NCKAP5: variants seen among roughly 807,000 people sequenced by gnomAD.
NCKAP5 encodes the protein NCK associated protein 5.
Under a neutral mutation model 167.0 loss-of-function variants are expected in NCKAP5, and 92 were observed. The ratio of observed to expected loss-of-function variants is 0.55; its 90% CI spans 0.47 to 0.66. The LOEUF is 0.66. Among genes scored for constraint, NCKAP5 ranks in the 30% least tolerant of loss-of-function variants. The pLI, the probability that NCKAP5 is intolerant of heterozygous loss-of-function variation, is 0.00. For missense variants in NCKAP5, 2,378 were observed against 2,315.0 expected (o/e 1.03, Z -0.56); for synonymous variants, 891 against 877.4 (o/e 1.02, Z -0.27).
chr2:132,695,503 G>A (rs1483029718), intron 19 of NCKAP5, among the ~76,000 whole-genome samples: 1 of 152,092 alleles, frequency 6.6e-6, no homozygotes, highest in Non-Finnish European at 1.5e-5. Context: ...CCTGGCCATG[G>A]CTGTCCCCTT....
At chr2:133,358,279 A>G (rs780493809) in intron 3 of NCKAP5, among the ~76,000 whole-genome samples, 9 of 152,164 alleles carry the variant, frequency 5.9e-5, no homozygotes, top group African/African-American at 1.7e-4. Flanking sequence ...AATAAAATCA[A>G]TAAGTGTTGA....
At chr2:132,872,678 G>A (rs916294762) in intron 9 of NCKAP5, among the ~76,000 whole-genome samples, 2 of 152,132 alleles carry the variant, frequency 1.3e-5, no homozygotes, top group African/African-American at 2.4e-5. Context: ...ATCTTCATGA[G>A]CTATTTCACC....
chr2:132,910,184 C>T (rs1023915865), intron 8 of NCKAP5, among the ~76,000 whole-genome samples: 4 of 151,950 alleles, frequency 2.6e-5, no homozygotes, highest in African/African-American at 9.7e-5. Context: ...TACAGGCATG[C>T]AATGTGTAAT....
At chr2:132,673,384 C>A in intron 19 of NCKAP5, 79 bp from the exon 20 acceptor site, 1 of 1,207,370 alleles carries the variant, frequency 8.3e-7, no homozygotes, top group South Asian at 1.5e-5. Context: ...CAATTATTGT[C>A]TGTATAAAGT....
At chr2:132,930,512 T>G (rs1696288345) in intron 8 of NCKAP5, 1 of 152,230 alleles carries the variant, frequency 6.6e-6, no homozygotes, top group African/African-American at 2.4e-5. Flanking sequence ...CTTTTTCAGC[T>G]GAGACATCCA....
At chr2:132,773,943 G>T in intron 15 of NCKAP5, 49 bp from the exon 16 acceptor site, 1 of 1,516,200 alleles carries the variant, frequency 6.6e-7, no homozygotes, top group Non-Finnish European at 9.1e-7. Context: ...TTATTAAAAA[G>T]ATCCTTTTGC....
chr2:133,317,383 C>T (rs1332268052), intron 3 of NCKAP5, among the ~76,000 whole-genome samples: 8 of 152,084 alleles, frequency 5.3e-5, no homozygotes. Flanking sequence ...TGGCCACCCC[C>T]CTCCTTCCAG....
chr2:133,549,247 C>T (rs1349128433), intron 2 of NCKAP5, among the ~76,000 whole-genome samples: 1 of 152,074 alleles, frequency 6.6e-6, no homozygotes, highest in Non-Finnish European at 1.5e-5. Context: ...GAGTGACCTA[C>T]AAAGAGACTT....
intron 3 of NCKAP5, among the ~76,000 whole-genome samples, chr2:133,496,547 T>C (rs1305670662): frequency 6.6e-6 from 1 of 152,238 alleles, no homozygotes; most frequent in African/African-American, 2.4e-5. Context: ...TGGAGCTTTG[T>C]GGCAACTTCA....
At chr2:133,244,762 T>G (rs1355505290) in intron 4 of NCKAP5, among the ~76,000 whole-genome samples, 1 of 152,120 alleles carries the variant, frequency 6.6e-6, no homozygotes, top group Non-Finnish European at 1.5e-5. Context: ...GACACCCATA[T>G]GAAGGAAAGT....
intron 4 of NCKAP5, among the ~76,000 whole-genome samples, chr2:133,270,885 G>C (rs920563851): frequency 1.3e-5 from 2 of 150,898 alleles, no homozygotes; most frequent in Non-Finnish European, 3.0e-5. Flanking sequence ...ACCCTGCGGA[G>C]TGTACTTTTG....
chr2:133,465,165 C>A (rs7608445), intron 3 of NCKAP5, among the ~76,000 whole-genome samples: 1 of 112,244 alleles, frequency 8.9e-6, no homozygotes, highest in African/African-American at 3.4e-5. Flanking sequence ...CCCCTCCCCC[C>A]ACCCCACAAC....
At chr2:133,602,007 G>A in the NCKAP5 span, among the ~76,000 whole-genome samples, 1 of 152,176 alleles carries the variant, frequency 6.6e-6, no homozygotes, top group African/African-American at 2.4e-5. Flanking sequence ...AATAAATAAT[G>A]TTTTAAAATA....
chr2:133,069,787 T>A (rs1434142069), intron 6 of NCKAP5, among the ~76,000 whole-genome samples: 1 of 152,078 alleles, frequency 6.6e-6, no homozygotes, highest in Non-Finnish European at 1.5e-5. Context: ...AGCATTAGAT[T>A]AACAATTTAG....
intron 7 of NCKAP5, among the ~76,000 whole-genome samples, chr2:132,975,626 A>G (rs1387728858): frequency 6.6e-6 from 1 of 152,244 alleles, no homozygotes; most frequent in East Asian, 1.9e-4. Flanking sequence ...GTGGCTGGAC[A>G]TCTAAGAAAA....
At chr2:133,222,448 C>A (rs1405239509) in intron 4 of NCKAP5, among the ~76,000 whole-genome samples, 2 of 152,100 alleles carry the variant, frequency 1.3e-5, no homozygotes, top group African/African-American at 4.8e-5. Context: ...CAATATGCTG[C>A]AATGTCACAT....
intron 3 of NCKAP5, among the ~76,000 whole-genome samples, chr2:133,386,442 T>C (rs1278444118): frequency 6.6e-6 from 1 of 152,214 alleles, no homozygotes; most frequent in African/African-American, 2.4e-5. Flanking sequence ...TTCTTTTCCA[T>C]TTGCTGAGGA....
the NCKAP5 span, among the ~76,000 whole-genome samples, chr2:133,590,039 C>T: frequency 6.6e-6 from 1 of 152,146 alleles, no homozygotes; most frequent in East Asian, 1.9e-4. Flanking sequence ...CTCTTTCCTG[C>T]CTTCCTTTTT....
At chr2:133,027,651 T>G (rs558870238) in intron 6 of NCKAP5, among the ~76,000 whole-genome samples, 1 of 152,212 alleles carries the variant, frequency 6.6e-6, no homozygotes, top group Non-Finnish European at 1.5e-5. Context: ...GGACTAGAAC[T>G]GTTAGGTTCC....
Sources: allele counts gnomAD v4.1 joint callset (sites outside exome capture counted in the v4.1 genomes callset), GRCh38; gene constraint gnomAD v4.1.1; transcripts MANE v1.5; gene names NCBI Gene and HGNC (gene_info 2026-07-23, HGNC 2026-07-21).